CAPZB: variants seen among roughly 807,000 people sequenced by gnomAD.
The protein encoded by CAPZB is F-actin-capping protein subunit beta.
A neutral mutation model predicts 38.1 loss-of-function variants in CAPZB; 2 were observed. That is an observed-to-expected ratio of 0.05 (90% CI 0.02 to 0.17). The LOEUF (loss-of-function observed/expected upper bound fraction) is 0.17, where lower values mean the gene tolerates loss of function less well. CAPZB is among the 10% of genes least tolerant of loss of function. The pLI, the probability that CAPZB is intolerant of heterozygous loss-of-function variation, is 1.00. For missense variants in CAPZB, 161 were observed against 334.2 expected, an observed-to-expected ratio of 0.48 and a Z score of 4.04; for synonymous variants, 107 against 127.4, an observed-to-expected ratio of 0.84 and a Z score of 1.08.
chr1:19,395,812 C>T (rs1013567395), intron 2 of CAPZB, among the ~76,000 whole-genome samples: 1 of 152,208 alleles, frequency 6.6e-6, no homozygotes, highest in East Asian at 1.9e-4. Context: ...ACATACAAAA[C>T]CACCTTCGAG....
At chr1:19,470,883 T>C (rs1012391145) in intron 1 of CAPZB, among the ~76,000 whole-genome samples, 2 of 152,202 alleles carry the variant, frequency 1.3e-5, no homozygotes, top group African/African-American at 4.8e-5. Flanking sequence ...CCAGGTGAAG[T>C]GCACAAGAAC....
intron 3 of CAPZB, among the ~76,000 whole-genome samples, chr1:19,383,693 G>C (rs1197912991): frequency 6.6e-6 from 1 of 152,072 alleles, no homozygotes; most frequent in Admixed American, 6.6e-5. Flanking sequence ...CACATCCCCA[G>C]CCTAAACCTC....
chr1:19,460,503 T>C (rs2100735962), intron 1 of CAPZB, among the ~76,000 whole-genome samples: 1 of 151,800 alleles, frequency 6.6e-6, no homozygotes, highest in East Asian at 1.9e-4. Flanking sequence ...TCTCGATCTC[T>C]TGACCTCGTG....
chr1:19,447,829 C>G (rs2094501779), intron 1 of CAPZB, among the ~76,000 whole-genome samples: 1 of 152,238 alleles, frequency 6.6e-6, no homozygotes, highest in Admixed American at 6.5e-5. Context: ...CTGGGCCTCT[C>G]TGATGCACTG....
intron 6 of CAPZB, among the ~76,000 whole-genome samples, chr1:19,346,817 CTTTTTTTTTTT>C (rs34733600): frequency 8.6e-4 from 72 of 84,104 alleles, no homozygotes; most frequent in South Asian, 1.4e-3. Flanking sequence ...CGACTTTTGT[CTTTTTTTTTTT>C]TTTTTTTTTT....
chr1:19,478,763 G>A (rs1308416818), intron 1 of CAPZB, among the ~76,000 whole-genome samples: 2 of 152,170 alleles, frequency 1.3e-5, no homozygotes, highest in Middle Eastern at 3.2e-3. Flanking sequence ...AGACATCCAC[G>A]GAATGAATGA....
intron 1 of CAPZB, among the ~76,000 whole-genome samples, chr1:19,458,942 C>T (rs930456929): frequency 6.6e-6 from 1 of 152,230 alleles, no homozygotes; most frequent in Non-Finnish European, 1.5e-5. Flanking sequence ...GAGAGGGCAC[C>T]TCCATGTGGA....
Position 19,464,020 on chromosome 1 carries a change from CAA to C in CAPZB, c.3+21414_3+21415del, listed in dbSNP as rs35097598. On this transcript the variant is annotated intron_variant, in intron 1 of 8. Transcript: ENST00000264202. ...TGAACCCCTATCTCTACTAAAAATACAAAAAAAAAAAAAAAAATTAGCTGGAT... is the reference window on the plus strand; with the variant it reads ...TGAACCCCTATCTCTACTAAAAATACAAAAAAAAAAAAAAATTAGCTGGAT... Among the ~76,000 whole-genome samples the C allele has an allele frequency of 7.0e-3, 875 of 124,600 alleles. 8 individuals carry two copies. Among genetic ancestry groups the C allele is most frequent in the Non-Finnish European group, 9.1e-3 (540 of 59,640 alleles). The allele number at this position is 124,600 out of a possible 152,430, so 81.7% of individuals were successfully genotyped here.
intron 1 of CAPZB, among the ~76,000 whole-genome samples, chr1:19,450,197 TAGTAATAC>T (rs1340687985): frequency 1.1e-5 from 1 of 94,342 alleles, no homozygotes; most frequent in African/African-American, 3.5e-5. Context: ...AGAAAAAATG[TAGTAATAC>T]AATACATGGA....
At chr1:19,364,732 G>A (rs955602101) in intron 4 of CAPZB, among the ~76,000 whole-genome samples, 4 of 152,126 alleles carry the variant, frequency 2.6e-5, no homozygotes, top group East Asian at 1.9e-4. Flanking sequence ...TTGGCAAACA[G>A]GCTACTCCTC....
intron 4 of CAPZB, among the ~76,000 whole-genome samples, chr1:19,375,631 T>C (rs2094140929): frequency 6.6e-6 from 1 of 152,184 alleles, no homozygotes; most frequent in South Asian, 2.1e-4. Flanking sequence ...CCGAGTCAGT[T>C]TACCTTCAGA....
At chr1:19,461,811 C>G (rs1209429849) in intron 1 of CAPZB, among the ~76,000 whole-genome samples, 1 of 152,224 alleles carries the variant, frequency 6.6e-6, no homozygotes, top group Non-Finnish European at 1.5e-5. Flanking sequence ...CCTACCCTCA[C>G]TGAGCCTCAG....
At position 19,418,776 on chromosome 1, in the gene CAPZB, T is replaced by C. The variant is rs111617425; in HGVS notation, c.93+885A>G. 1.7e-3 allele frequency among the ~76,000 whole-genome samples: 263 copies of C among 152,356 alleles called. 3 individuals are homozygous for C. Among genetic ancestry groups the C allele is most frequent in the African/African-American group, 6.0e-3 (251 of 41,584 alleles). On this transcript the variant is annotated intron_variant, in intron 2 of 8. Transcript: ENST00000264202. ...TATATTTTTCCTAGTAAAAATGTTC[T>C]GAATGCATACAATGGAATTAAATAA...
At chr1:19,484,239 C>T (rs1246463179) in intron 1 of CAPZB, 1 of 1,612,496 alleles carries the variant, frequency 6.2e-7, no homozygotes, top group Admixed American at 1.7e-5. Context: ...TGCAAGCTGA[C>T]AGTTCAGAGG....
intron 1 of CAPZB, among the ~76,000 whole-genome samples, chr1:19,471,380 C>T (rs1310045191): frequency 6.6e-6 from 1 of 152,194 alleles, no homozygotes; most frequent in Non-Finnish European, 1.5e-5. Context: ...TATCAGTTAA[C>T]CCAATGCCTC....
chr1:19,484,560 G>T, intron 1 of CAPZB: 1 of 1,268,284 alleles, frequency 7.9e-7, no homozygotes, highest in Non-Finnish European at 1.0e-6. Flanking sequence ...GGCCTCCCTA[G>T]AAGCGGCAAC....
intron 4 of CAPZB, among the ~76,000 whole-genome samples, chr1:19,365,022 T>C (rs994593793): frequency 6.6e-6 from 1 of 152,084 alleles, no homozygotes; most frequent in African/African-American, 2.4e-5. Context: ...AATTTTAAAT[T>C]TTTTTGTAGA....
chr1:19,403,605 C>T (rs2094314827), intron 2 of CAPZB, among the ~76,000 whole-genome samples: 1 of 152,196 alleles, frequency 6.6e-6, no homozygotes, highest in Non-Finnish European at 1.5e-5. Context: ...GGACATTATC[C>T]GAAGTGCATT....
At chr1:19,419,941 C>A in intron 1 of CAPZB, 191 bp from the exon 2 acceptor site, 1 of 534,662 alleles carries the variant, frequency 1.9e-6, no homozygotes, top group Non-Finnish European at 3.3e-6. Context: ...TCCCCTTTGA[C>A]AGCAGTCTCT....
Sources: gnomAD v4.1 joint callset for allele counts (sites outside exome capture counted in the v4.1 genomes callset) on GRCh38, gnomAD v4.1.1 for gene constraint, MANE v1.5 for transcripts, NCBI Gene and HGNC (gene_info 2026-07-23, HGNC 2026-07-21) for gene names.